MAD1L1: variants seen among roughly 807,000 people sequenced by gnomAD.
The protein encoded by MAD1L1 is mitotic spindle assembly checkpoint protein MAD1.
A neutral mutation model predicts 96.9 loss-of-function variants in MAD1L1; 95 were observed. That is an observed-to-expected ratio of 0.98 (90% confidence interval 0.83 to 1.16). The LOEUF (loss-of-function observed/expected upper bound fraction) is 1.16. MAD1L1 is among the 50% of genes most tolerant of loss of function. The pLI is 0.00. For synonymous variants in MAD1L1, 473 were observed against 396.6 expected, an observed-to-expected ratio of 1.19 and a Z score of -2.29; for missense variants, 1,007 against 954.4, an observed-to-expected ratio of 1.06 and a Z score of -0.73.
intron 18 of MAD1L1, among the ~76,000 whole-genome samples, chr7:1,818,222 G>T (rs1014088798): frequency 6.6e-6 from 1 of 152,056 alleles, no homozygotes; most frequent in Non-Finnish European, 1.5e-5. Context: ...TCCTCAGCCG[G>T]CCCTTCGCCC....
intron 12 of MAD1L1, among the ~76,000 whole-genome samples, chr7:2,046,750 G>A (rs185029246): frequency 6.6e-4 from 101 of 152,312 alleles, no homozygotes; most frequent in Non-Finnish European, 1.2e-3. Flanking sequence ...GGGAAAAGAG[G>A]TGAGTCCTTT....
At chr7:2,127,569 C>T (rs941361761) in intron 11 of MAD1L1, among the ~76,000 whole-genome samples, 2 of 151,676 alleles carry the variant, frequency 1.3e-5, no homozygotes, top group Non-Finnish European at 2.9e-5. Context: ...TGTAGGTGGG[C>T]AATGAGGGAG....
intron 10 of MAD1L1, among the ~76,000 whole-genome samples, chr7:2,156,308 A>G: frequency 6.6e-6 from 1 of 151,954 alleles, no homozygotes; most frequent in Non-Finnish European, 1.5e-5. Context: ...TGGCGAGGGC[A>G]GTGGATGCAT....
chr7:1,926,860 C>T (rs1424291279), intron 17 of MAD1L1, among the ~76,000 whole-genome samples: 1 of 152,194 alleles, frequency 6.6e-6, no homozygotes, highest in East Asian at 1.9e-4. Context: ...TACTCAGCAC[C>T]ATACTAAGGT....
chr7:2,108,820 C>T (rs1787226670), intron 11 of MAD1L1, among the ~76,000 whole-genome samples: 1 of 152,200 alleles, frequency 6.6e-6, no homozygotes, highest in Admixed American at 6.5e-5. Flanking sequence ...GCGGCAGGAG[C>T]GGCTGTCAGA....
intron 11 of MAD1L1, among the ~76,000 whole-genome samples, chr7:2,101,198 C>A (rs934277831): frequency 1.3e-5 from 2 of 152,210 alleles, no homozygotes; most frequent in African/African-American, 4.8e-5. Flanking sequence ...ATTCATACAC[C>A]AAAGAGGATG....
At chr7:2,147,043 G>A (rs1789345141) in intron 11 of MAD1L1, among the ~76,000 whole-genome samples, 1 of 152,182 alleles carries the variant, frequency 6.6e-6, no homozygotes, top group Admixed American at 6.5e-5. Context: ...GCGTCACCAG[G>A]CCCCAGAAAG....
At chr7:1,907,430 G>A (rs570945426) in intron 17 of MAD1L1, among the ~76,000 whole-genome samples, 1 of 152,362 alleles carries the variant, frequency 6.6e-6, no homozygotes, top group Admixed American at 6.5e-5. Flanking sequence ...AACCAATGTT[G>A]GGATTTTCAG....
chr7:2,133,110 C>A (rs1788595991), intron 11 of MAD1L1, among the ~76,000 whole-genome samples: 1 of 150,766 alleles, frequency 6.6e-6, no homozygotes, highest in Non-Finnish European at 1.5e-5. Flanking sequence ...TGGTGAGGCA[C>A]CTGTTCAGAG....
chr7:1,895,537 C>G (rs1562499298), intron 18 of MAD1L1, among the ~76,000 whole-genome samples: 1 of 152,256 alleles, frequency 6.6e-6, no homozygotes, highest in Non-Finnish European at 1.5e-5. Context: ...CTGTGAGCTT[C>G]AAGCATGAAA....
chr7:2,193,684 A>G (rs975216174), intron 10 of MAD1L1, among the ~76,000 whole-genome samples: 1 of 152,234 alleles, frequency 6.6e-6, no homozygotes, highest in Non-Finnish European at 1.5e-5. Flanking sequence ...GGCCGCGGGT[A>G]ACTCCAGATT....
chr7:2,007,344 G>C (rs192287724), intron 13 of MAD1L1, among the ~76,000 whole-genome samples: 3 of 152,354 alleles, frequency 2.0e-5, no homozygotes, highest in Middle Eastern at 3.4e-3. Flanking sequence ...ACTGGACCCC[G>C]CGTGTTGCCA....
chr7:2,133,649 C>T (rs943168312), intron 11 of MAD1L1, among the ~76,000 whole-genome samples: 1 of 152,160 alleles, frequency 6.6e-6, no homozygotes, highest in Non-Finnish European at 1.5e-5. Flanking sequence ...ATATTTCCGC[C>T]GCTATCTTCT....
At chr7:2,120,345 C>T (rs768905295) in intron 11 of MAD1L1, among the ~76,000 whole-genome samples, 8 of 152,352 alleles carry the variant, frequency 5.3e-5, no homozygotes, top group East Asian at 3.9e-4. Flanking sequence ...CAGCTGATAA[C>T]GAAGGCTGCG....
intron 15 of MAD1L1, among the ~76,000 whole-genome samples, chr7:1,976,436 G>C (rs1376049414): frequency 1.3e-5 from 2 of 152,096 alleles, no homozygotes; most frequent in African/African-American, 4.8e-5. Flanking sequence ...AGCACGTCTG[G>C]AGTTGTTCGT....
intron 15 of MAD1L1, among the ~76,000 whole-genome samples, chr7:1,970,859 GA>G (rs1398398628): frequency 6.6e-6 from 1 of 152,168 alleles, no homozygotes; most frequent in African/African-American, 2.4e-5. Context: ...TTAAAACTCT[GA>G]AGATAATGTA....
chr7:2,057,620 T>C (rs999412435), intron 12 of MAD1L1, among the ~76,000 whole-genome samples: 1 of 151,550 alleles, frequency 6.6e-6, no homozygotes, highest in African/African-American at 2.4e-5. Context: ...AGCTGGCCAG[T>C]CCACCTGTAT....
chr7:2,043,218 A>G (rs1311490186), intron 12 of MAD1L1, among the ~76,000 whole-genome samples: 2 of 152,208 alleles, frequency 1.3e-5, no homozygotes, highest in African/African-American at 4.8e-5. Context: ...TGACTTTCGA[A>G]TGTGTCTGCA....
Position 2,166,780 on chromosome 7 carries a change from G to A in MAD1L1, c.987-17542C>T, listed in dbSNP as rs3779012. ...GGGAGAATGACCTGGGCGGAACCAC[G>A]CCTGGCAGGGAGCTGCAGGGCCTCC... On this transcript the variant is annotated intron_variant, in intron 10 of 18. Transcript: ENST00000265854. Among the ~76,000 whole-genome samples, 143 of 152,310 alleles carry A rather than the reference G, an allele frequency of 9.4e-4. 2 individuals are homozygous for A. In the East Asian group the frequency reaches 0.022, roughly 23 times the overall value.
Sources: allele counts gnomAD v4.1 joint callset (sites outside exome capture counted in the v4.1 genomes callset), GRCh38; gene constraint gnomAD v4.1.1; transcripts MANE v1.5; gene names NCBI Gene and HGNC (gene_info 2026-07-23, HGNC 2026-07-21).